The following SHC3 variants were observed in gnomAD, a reference collection of about 807,000 sequenced individuals.
The protein encoded by SHC3 is SHC adaptor protein 3.
Under a neutral mutation model 60.4 loss-of-function variants are expected in SHC3, and 15 were observed. That is an observed-to-expected ratio of 0.25 (90% CI 0.17 to 0.38). The LOEUF (loss-of-function observed/expected upper bound fraction) is 0.38, where lower values mean the gene tolerates loss of function less well. Among genes scored for constraint, SHC3 ranks in the 10% least tolerant of loss-of-function variants. SHC3 has a pLI of 1.00. For missense variants in SHC3, 677 were observed against 786.1 expected (o/e 0.86, Z 1.66); for synonymous variants, 294 against 325.9 (o/e 0.90, Z 1.05).
intron 2 of SHC3, among the ~76,000 whole-genome samples, chr9:89,111,661 T>C (rs1238314901): frequency 1.3e-5 from 2 of 152,128 alleles, no homozygotes; most frequent in South Asian, 2.1e-4. Flanking sequence ...ATGGTACCTA[T>C]AACAGAATTG....
intron 1 of SHC3, among the ~76,000 whole-genome samples, chr9:89,155,044 G>A (rs146358437): frequency 6.6e-5 from 10 of 152,172 alleles, no homozygotes; most frequent in Non-Finnish European, 1.0e-4. Flanking sequence ...TAGAAAATTC[G>A]TTATCTACCC....
intron 1 of SHC3, among the ~76,000 whole-genome samples, chr9:89,172,716 A>G (rs1826887698): frequency 6.6e-6 from 1 of 152,104 alleles, no homozygotes; most frequent in African/African-American, 2.4e-5. Flanking sequence ...TAAATTGCAA[A>G]ATTGTTTTCT....
chr9:89,024,616 T>G (rs543248028), intron 11 of SHC3, among the ~76,000 whole-genome samples: 10 of 152,346 alleles, frequency 6.6e-5, no homozygotes, highest in Non-Finnish European at 1.3e-4. Flanking sequence ...CAGGACCGTT[T>G]TCAGAATGAA....
chr9:89,056,710 T>G (rs1004253), intron 6 of SHC3, among the ~76,000 whole-genome samples: 12,293 of 152,326 alleles, frequency 0.081, 670 homozygotes, highest in Admixed American at 0.12. Context: ...TGTGCAGCCA[T>G]CCTGCCCTTC....
chr9:89,134,860 T>C (rs1335683485), intron 1 of SHC3, among the ~76,000 whole-genome samples: 2 of 152,138 alleles, frequency 1.3e-5, no homozygotes, highest in East Asian at 1.9e-4. Context: ...GCTGAACTAA[T>C]AGAAGACTGA....
At chr9:89,060,618 G>A (rs1318696573) in intron 6 of SHC3, among the ~76,000 whole-genome samples, 5 of 151,962 alleles carry the variant, frequency 3.3e-5, no homozygotes, top group Non-Finnish European at 5.9e-5. Flanking sequence ...GAAGTGAGAC[G>A]GGATGGAGTG....
intron 1 of SHC3, among the ~76,000 whole-genome samples, chr9:89,126,719 T>C (rs766568442): frequency 9.9e-5 from 15 of 152,200 alleles, no homozygotes; most frequent in Non-Finnish European, 1.5e-4. Context: ...GCTGAATGAA[T>C]GATAAAAATC....
chr9:89,081,613 C>T (rs117426627), intron 2 of SHC3, among the ~76,000 whole-genome samples: 2 of 152,082 alleles, frequency 1.3e-5, no homozygotes, highest in African/African-American at 2.4e-5. Context: ...GAATATCCCA[C>T]CCCCCTAGTC....
rs1825166894 is a variant in SHC3 at position 89,065,645 on chromosome 9, A to T, written c.784-65T>A. ...AGTGAGAGACCACACAGTCAGGGAC[A>T]CAGGGCACAAACCAGTGAGCTTAGA... On this transcript the variant is annotated intron_variant, in intron 5 of 11. Transcript: ENST00000375835. The T allele has an allele frequency of 5.9e-6, 9 of 1,521,104 alleles. No homozygotes were observed. In the South Asian group the frequency reaches 7.9e-5, roughly 13 times the overall value. 94.2% of individuals were successfully genotyped at this position (1,521,104 alleles called of 1,614,324 possible).
intron 9 of SHC3, among the ~76,000 whole-genome samples, chr9:89,045,439 C>A (rs1256920728): frequency 6.6e-6 from 1 of 152,090 alleles, no homozygotes; most frequent in Non-Finnish European, 1.5e-5. Flanking sequence ...CGCCACCACA[C>A]CCGGCAAATT....
intron 2 of SHC3, among the ~76,000 whole-genome samples, chr9:89,104,603 C>G (rs966641987): frequency 8.5e-5 from 13 of 152,154 alleles, no homozygotes; most frequent in African/African-American, 3.1e-4. Context: ...TGCAGCGGAG[C>G]CCACATTAGG....
Position 89,110,476 on chromosome 9 carries a change from A to G in SHC3, c.545+2080T>C, listed in dbSNP as rs972031448. ...GAGTTTAATCACAGGTATGTTGAAC[A>G]CTTAGTTACCATGGAGACCTTAAAA... is the stretch of plus-strand genomic sequence containing the variant. On this transcript the variant is annotated intron_variant, in intron 2 of 11. Transcript: ENST00000375835. The G allele has an allele frequency of 3.2e-5, 31 of 983,894 alleles. No individual in the cohort carries two copies. The African/African-American group carries it at 5.4e-4, about 17-fold the overall frequency. 60.9% of individuals were successfully genotyped at this position (983,894 alleles called of 1,614,324 possible).
intron 11 of SHC3, among the ~76,000 whole-genome samples, chr9:89,024,341 G>A (rs896944116): frequency 1.3e-5 from 2 of 151,960 alleles, no homozygotes; most frequent in African/African-American, 4.8e-5. Context: ...GCAATGGTAC[G>A]ATCATAGTTC....
chr9:89,071,334 A>G (rs1825268102), intron 4 of SHC3, 82 bp from the exon 5 acceptor site: 2 of 1,407,756 alleles, frequency 1.4e-6, no homozygotes, highest in East Asian at 4.6e-5. Context: ...GTTGGCAGGC[A>G]TTACAAATTG....
intron 1 of SHC3, among the ~76,000 whole-genome samples, chr9:89,138,999 T>C (rs1451708400): frequency 6.6e-6 from 1 of 152,146 alleles, no homozygotes; most frequent in Non-Finnish European, 1.5e-5. Flanking sequence ...AGTACAACAG[T>C]AATACATTCC....
intron 2 of SHC3, among the ~76,000 whole-genome samples, chr9:89,092,522 C>A (rs1191309436): frequency 4.7e-5 from 7 of 147,598 alleles, no homozygotes; most frequent in Non-Finnish European, 7.4e-5. Flanking sequence ...GAGGCTGAGG[C>A]AGGAGAATGG....
At chr9:89,086,514 G>A (rs981924742) in intron 2 of SHC3, among the ~76,000 whole-genome samples, 11 of 152,206 alleles carry the variant, frequency 7.2e-5, no homozygotes, top group Non-Finnish European at 4.4e-5. Context: ...AGGATGTGAC[G>A]CCCTAGAGAG....
intron 7 of SHC3, among the ~76,000 whole-genome samples, chr9:89,051,217 C>G (rs17435390): frequency 1.7e-3 from 255 of 152,232 alleles, no homozygotes; most frequent in Non-Finnish European, 3.1e-3. Flanking sequence ...AATTTAGGAA[C>G]AGTAAAGTTT....
chr9:89,110,082 G>T, intron 2 of SHC3: 1 of 985,362 alleles, frequency 1.0e-6, no homozygotes, highest in South Asian at 4.7e-5. Context: ...GAACAAAAAG[G>T]AAACACCTTT....
Sources: allele counts gnomAD v4.1 joint callset (sites outside exome capture counted in the v4.1 genomes callset), GRCh38; gene constraint gnomAD v4.1.1; transcripts MANE v1.5; gene names NCBI Gene and HGNC (gene_info 2026-07-23, HGNC 2026-07-21).